SMAD9: variants seen among roughly 807,000 people sequenced by gnomAD.
The protein encoded by SMAD9 is SMAD family member 9.
A neutral mutation model predicts 46.1 loss-of-function variants in SMAD9; 36 were observed. The observed-to-expected ratio is 0.78, with a 90% CI of 0.60 to 1.03. The LOEUF (loss-of-function observed/expected upper bound fraction) is 1.03, where lower values mean the gene tolerates loss of function less well. Ranked by LOEUF, SMAD9 falls within the 50% of genes least tolerant of loss-of-function variation. SMAD9 has a pLI of 0.00. For synonymous variants in SMAD9, 245 were observed against 237.1 expected (o/e 1.03, Z -0.31); for missense variants, 572 against 599.8 (o/e 0.95, Z 0.48).
chr13:36,879,641 C>T lies in SMAD9; in HGVS notation c.49G>A (p.Ala17Thr), dbSNP rs1049883784. 13 of 1,614,026 alleles carry T rather than the reference C, an allele frequency of 8.1e-6. No homozygotes were observed. In the East Asian group the frequency reaches 1.1e-4, roughly 14 times the overall value. The change falls in exon 2 of 7, where the codon GCA becomes ACA. Residue 17 changes from alanine to threonine, a missense_variant. Coordinates refer to ENST00000379826, the MANE Select transcript of SMAD9 (RefSeq NM_001127217.3). The part of the protein sequence containing the change: ...ISSLFSFTSP[A>T]VKRLLGWKQG... ...TTCCAGCCTAGCAGTCTCTTCACTG[C>T]GGGGCTGGTGAAGGAGAAGAGGGAG...
At chr13:36,900,884 T>A (rs986151355) in intron 1 of SMAD9, among the ~76,000 whole-genome samples, 1 of 152,204 alleles carries the variant, frequency 6.6e-6, no homozygotes, top group Non-Finnish European at 1.5e-5. Flanking sequence ...CCAAAACATT[T>A]TGATCACTCC....
At chr13:36,902,913 T>C (rs1440487524) in intron 1 of SMAD9, among the ~76,000 whole-genome samples, 1 of 152,286 alleles carries the variant, frequency 6.6e-6, no homozygotes, top group East Asian at 1.9e-4. Flanking sequence ...ACACATATTA[T>C]GTGTTTGATG....
At chr13:36,914,856 C>A (rs1002456957) in intron 1 of SMAD9, among the ~76,000 whole-genome samples, 7 of 152,212 alleles carry the variant, frequency 4.6e-5, no homozygotes, top group Admixed American at 2.6e-4. Context: ...AAAAGACCTG[C>A]AAATCTGCTG....
intron 2 of SMAD9, among the ~76,000 whole-genome samples, chr13:36,874,789 C>T (rs529519778): frequency 1.2e-4 from 16 of 134,354 alleles, no homozygotes; most frequent in African/African-American, 4.2e-4. Flanking sequence ...ACCCAGGAGG[C>T]GGAGCTTGCA....
intron 4 of SMAD9, among the ~76,000 whole-genome samples, chr13:36,866,559 T>C (rs1219667359): frequency 6.6e-6 from 1 of 152,198 alleles, no homozygotes; most frequent in East Asian, 1.9e-4. Flanking sequence ...CTAGAGTGTG[T>C]TCCTATATGC....
intron 1 of SMAD9, among the ~76,000 whole-genome samples, chr13:36,915,224 T>G (rs2058689701): frequency 1.3e-5 from 2 of 152,142 alleles, no homozygotes; most frequent in South Asian, 4.1e-4. Flanking sequence ...ACCAACACGT[T>G]TGAATGGCCG....
At chr13:36,916,005 G>C (rs1460539456) in intron 1 of SMAD9, among the ~76,000 whole-genome samples, 1 of 152,140 alleles carries the variant, frequency 6.6e-6, no homozygotes, top group Non-Finnish European at 1.5e-5. Flanking sequence ...TTTAAAATGA[G>C]AGTTAGTATT....
chr13:36,854,550 A>G (rs760779875), intron 5 of SMAD9, among the ~76,000 whole-genome samples: 130 of 152,094 alleles, frequency 8.5e-4, no homozygotes, highest in Non-Finnish European at 3.1e-4. Context: ...GTTTTTTAGT[A>G]GAGACGGGGT....
At chr13:36,853,807 G>T in intron 5 of SMAD9, 132 bp from the exon 6 acceptor site, 1 of 889,178 alleles carries the variant, frequency 1.1e-6, no homozygotes, top group Non-Finnish European at 1.8e-6. Flanking sequence ...AATGAGATGT[G>T]TGACCTAAAT....
At chr13:36,882,334 T>G in intron 1 of SMAD9, among the ~76,000 whole-genome samples, 1 of 151,878 alleles carries the variant, frequency 6.6e-6, no homozygotes, top group Admixed American at 6.6e-5. Context: ...ATAAAAAAGT[T>G]TGAAAAGCAC....
At chr13:36,875,481 G>T (rs984920935) in intron 2 of SMAD9, among the ~76,000 whole-genome samples, 1 of 151,972 alleles carries the variant, frequency 6.6e-6, no homozygotes, top group Non-Finnish European at 1.5e-5. Flanking sequence ...TGACACCAGA[G>T]AACAAACATT....
At chr13:36,865,475 C>T in intron 5 of SMAD9, 62 bp downstream of exon 5, 1 of 1,396,466 alleles carries the variant, frequency 7.2e-7, no homozygotes, top group East Asian at 2.3e-5. Context: ...ACGTGCACTT[C>T]TACACACATG....
intron 1 of SMAD9, among the ~76,000 whole-genome samples, chr13:36,916,174 C>T (rs1270231502): frequency 6.6e-6 from 1 of 152,172 alleles, no homozygotes; most frequent in East Asian, 1.9e-4. Flanking sequence ...ACATTAAAAA[C>T]AGTATCAATT....
At chr13:36,896,089 CCT>C (rs1296960206) in intron 1 of SMAD9, among the ~76,000 whole-genome samples, 8 of 151,846 alleles carry the variant, frequency 5.3e-5, no homozygotes, top group Admixed American at 5.3e-4. Flanking sequence ...TCCCACCCAC[CCT>C]GTTGCCAATC....
At chr13:36,857,559 G>A (rs2058138762) in intron 5 of SMAD9, among the ~76,000 whole-genome samples, 1 of 152,098 alleles carries the variant, frequency 6.6e-6, no homozygotes, top group South Asian at 2.1e-4. Context: ...GGTTTAATTT[G>A]GGTTTGCTGG....
intron 4 of SMAD9, among the ~76,000 whole-genome samples, chr13:36,866,472 C>A (rs1190023084): frequency 6.6e-6 from 1 of 152,088 alleles, no homozygotes; most frequent in East Asian, 1.9e-4. Context: ...TCTTTCTTTG[C>A]CACTCACACC....
rs1370496650 is a variant in SMAD9 at position 36,867,950 on chromosome 13, GATA to G, written c.671-570_671-568del. On this transcript the variant is annotated intron_variant, in intron 3 of 6. Coordinates refer to ENST00000379826, the MANE Select transcript of SMAD9 (RefSeq NM_001127217.3). ...TTAGGCAAATGGGATGCATTCCGTG[GATA>G]ATAATTCATAACACAGTAAAAACTC... Among the ~76,000 whole-genome samples the G allele has an allele frequency of 4.6e-5, 7 of 152,186 alleles. No individual in the cohort carries two copies. The East Asian group carries it at 1.3e-3, about 29-fold the overall frequency.
At position 36,848,436 on chromosome 13, in the gene SMAD9, C is replaced by T. The variant is rs1272888020; in HGVS notation, c.*240G>A. 5 of 545,576 alleles carry T rather than the reference C, an allele frequency of 9.2e-6. No individual in the cohort carries two copies. The highest frequency in any genetic ancestry group is 1.6e-5 in the Non-Finnish European group (5 of 304,666). 33.8% of individuals were successfully genotyped at this position (545,576 alleles called of 1,614,324 possible). Reference sequence around the variant, plus strand: ...TGACAATATCGCCTCTCAAGTGTTTCCTCCCACAAAATCTGCTGCTTATAG... The same window carrying T: ...TGACAATATCGCCTCTCAAGTGTTTTCTCCCACAAAATCTGCTGCTTATAG... On this transcript the variant is annotated 3_prime_UTR_variant, in exon 7 of 7. Coordinates refer to ENST00000379826, the MANE Select transcript of SMAD9 (RefSeq NM_001127217.3).
rs1179010943 is a variant in SMAD9 at position 36,867,265 on chromosome 13, C to T, written c.781+8G>A. 1.3e-6 allele frequency: 2 copies of T among 1,507,662 alleles called. No homozygotes were observed. The highest frequency in any genetic ancestry group is 9.0e-7 in the Non-Finnish European group (1 of 1,107,028). The allele number at this position is 1,507,662 out of a possible 1,614,324, so 93.4% of individuals were successfully genotyped here. On this transcript the variant is annotated splice_region_variant and intron_variant, in intron 4 of 6. Transcript: ENST00000379826. ...ATAGCTACATTTCACTGTTCATCTG[C>T]AATTTACCTCCATTTGGTATCGATA...
Sources: gnomAD v4.1 joint callset for allele counts (sites outside exome capture counted in the v4.1 genomes callset) on GRCh38, gnomAD v4.1.1 for gene constraint, MANE v1.5 for transcripts, NCBI Gene and HGNC (gene_info 2026-07-23, HGNC 2026-07-21) for gene names.